The following COX7B2 variants were observed in gnomAD, a reference collection of about 807,000 sequenced individuals.
COX7B2 encodes cytochrome c oxidase subunit 7B2, mitochondrial.
For synonymous variants in COX7B2, 37 were observed against 32.1 expected, an observed-to-expected ratio of 1.15 and a Z score of -0.51; for missense variants, 109 against 95.9, an observed-to-expected ratio of 1.14 and a Z score of -0.57.
chr4:46,758,821 C>CT (rs1259124129), intron 2 of COX7B2, among the ~76,000 whole-genome samples: 3 of 152,064 alleles, frequency 2.0e-5, no homozygotes, highest in African/African-American at 4.8e-5. Context: ...AAATCAAAGC[C>CT]TAGGCCTAAG....
At chr4:46,866,455 T>C (rs1717676967) in intron 1 of COX7B2, among the ~76,000 whole-genome samples, 1 of 152,196 alleles carries the variant, frequency 6.6e-6, no homozygotes, top group African/African-American at 2.4e-5. Flanking sequence ...TTTTCTTTTG[T>C]ATATCAAAAA....
chr4:46,804,464 G>C (rs1404808715), intron 2 of COX7B2, among the ~76,000 whole-genome samples: 1 of 152,260 alleles, frequency 6.6e-6, no homozygotes, highest in South Asian at 2.1e-4. Context: ...GTGCTGATTG[G>C]TGTGTTTACA....
intron 2 of COX7B2, among the ~76,000 whole-genome samples, chr4:46,844,696 A>G (rs929587132): frequency 6.6e-6 from 1 of 152,042 alleles, no homozygotes; most frequent in African/African-American, 2.4e-5. Context: ...AAGACTATCA[A>G]GTTAGTCTAT....
At chr4:46,762,288 TA>T (rs1174698597) in intron 2 of COX7B2, among the ~76,000 whole-genome samples, 2 of 139,830 alleles carry the variant, frequency 1.4e-5, no homozygotes, top group Non-Finnish European at 3.1e-5. Flanking sequence ...GTAACATATA[TA>T]AAATATATAT....
intron 2 of COX7B2, among the ~76,000 whole-genome samples, chr4:46,825,873 C>T (rs928599354): frequency 6.6e-6 from 1 of 151,928 alleles, no homozygotes; most frequent in Admixed American, 6.6e-5. Context: ...TGCACAAAAA[C>T]CAACACAAGA....
At chr4:46,744,257 G>A (rs1714888036) in intron 2 of COX7B2, among the ~76,000 whole-genome samples, 1 of 151,660 alleles carries the variant, frequency 6.6e-6, no homozygotes, top group Non-Finnish European at 1.5e-5. Context: ...CCAGACAATG[G>A]GACACCAGTC....
intron 1 of COX7B2, among the ~76,000 whole-genome samples, chr4:46,863,976 G>A (rs560635066): frequency 1.3e-5 from 2 of 152,320 alleles, no homozygotes; most frequent in South Asian, 4.2e-4. Flanking sequence ...TTCAGGTCAT[G>A]ATGGGAAACA....
At chr4:46,840,126 G>A (rs1370448667) in intron 2 of COX7B2, among the ~76,000 whole-genome samples, 1 of 151,710 alleles carries the variant, frequency 6.6e-6, no homozygotes, top group Non-Finnish European at 1.5e-5. Flanking sequence ...GTAATTTCTG[G>A]CCTTTCCCTC....
At chr4:46,901,167 C>T (rs1378801188) in intron 1 of COX7B2, among the ~76,000 whole-genome samples, 1 of 152,096 alleles carries the variant, frequency 6.6e-6, no homozygotes, top group Admixed American at 6.5e-5. Flanking sequence ...AGATGATCCT[C>T]GTTCATTTTA....
rs147291073 is a variant in COX7B2, at chr4:46,856,073, G to A, written c.-104-11059C>T. ...AGCTTTGCCAACATAAAGAAACCCC[G>A]TCTCTACTAGAAATACAAAAATTAG... On this transcript the variant is annotated intron_variant, in intron 1 of 2. Transcript: ENST00000355591. Among the ~76,000 whole-genome samples the A allele has an allele frequency of 6.4e-3, 967 of 151,960 alleles. 10 individuals carry two copies. Among genetic ancestry groups the A allele is most frequent in the African/African-American group, 0.022 (920 of 41,440 alleles).
At chr4:46,889,244 A>G (rs910134510) in intron 1 of COX7B2, among the ~76,000 whole-genome samples, 6 of 152,200 alleles carry the variant, frequency 3.9e-5, no homozygotes, top group Admixed American at 2.0e-4. Flanking sequence ...TATGCTTATT[A>G]TCTACATTTT....
intron 1 of COX7B2, among the ~76,000 whole-genome samples, chr4:46,901,633 C>A (rs1320747723): frequency 6.6e-6 from 1 of 152,192 alleles, no homozygotes; most frequent in Non-Finnish European, 1.5e-5. Flanking sequence ...AAGACATTAG[C>A]ATTTGAATCA....
intron 1 of COX7B2, among the ~76,000 whole-genome samples, chr4:46,865,056 C>T (rs1004806628): frequency 6.6e-6 from 1 of 152,100 alleles, no homozygotes; most frequent in Non-Finnish European, 1.5e-5. Context: ...GCACCCATCA[C>T]CTGAGTAGTA....
rs144233393 is a variant in COX7B2 at position 46,737,398 on chromosome 4, T to C, written c.-49-2157A>G. 1.1e-3 allele frequency among the ~76,000 whole-genome samples: 168 copies of C among 152,302 alleles called. 1 individual carries two copies. The highest frequency in any genetic ancestry group is 6.8e-3 in the Middle Eastern group (2 of 294). The stretch of plus-strand genomic sequence containing the variant: ...TTCTTCAAGCCTGTGGTTTGCCTTG[T>C]CATTCTCCTAAGGAATTATCTTTTT... On this transcript the variant is annotated intron_variant, in intron 2 of 2. Coordinates refer to ENST00000355591, the MANE Select transcript of COX7B2 (RefSeq NM_130902.3).
rs112317675 is a variant in COX7B2, at chr4:46,761,935, T to A, written c.-49-26694A>T. Among the ~76,000 whole-genome samples the A allele has an allele frequency of 3.0e-3, 451 of 151,302 alleles. 4 individuals carry two copies. The highest frequency in any genetic ancestry group is 9.3e-3 in the African/African-American group (382 of 41,210). On this transcript the variant is annotated intron_variant, in intron 2 of 2. Transcript: ENST00000355591. Reference sequence around the variant, plus strand: ...TACTCACCTACTGTCTTTTTTTTTTTAAAACCATTGAGTGAGACTGCAAAT... The same window carrying A: ...TACTCACCTACTGTCTTTTTTTTTTAAAAACCATTGAGTGAGACTGCAAAT...
At chr4:46,822,440 A>G (rs955783083) in intron 2 of COX7B2, among the ~76,000 whole-genome samples, 14 of 152,146 alleles carry the variant, frequency 9.2e-5, no homozygotes, top group African/African-American at 1.9e-4. Context: ...GCACAGAGGA[A>G]GAGAGAAGTA....
At chr4:46,907,393 T>TTA (rs1720458053) in intron 1 of COX7B2, among the ~76,000 whole-genome samples, 1 of 152,202 alleles carries the variant, frequency 6.6e-6, no homozygotes, top group African/African-American at 2.4e-5. Flanking sequence ...AGCATAAATT[T>TTA]TAAACTACGC....
chr4:46,770,548 G>A (rs1380322519), intron 2 of COX7B2, among the ~76,000 whole-genome samples: 3 of 151,748 alleles, frequency 2.0e-5, no homozygotes, highest in Admixed American at 6.6e-5. Flanking sequence ...TTGACTGGAC[G>A]CATCACACTA....
chr4:46,826,615 G>A (rs1044805992), intron 2 of COX7B2, among the ~76,000 whole-genome samples: 1 of 152,086 alleles, frequency 6.6e-6, no homozygotes, highest in Non-Finnish European at 1.5e-5. Context: ...CAATCTATAT[G>A]CCCATCAATG....
Sources: gnomAD v4.1 joint callset for allele counts (sites outside exome capture counted in the v4.1 genomes callset) on GRCh38, gnomAD v4.1.1 for gene constraint, MANE v1.5 for transcripts, NCBI Gene and HGNC (gene_info 2026-07-23, HGNC 2026-07-21) for gene names.